ALMS1: variants seen among roughly 807,000 people sequenced by gnomAD.
ALMS1 encodes centrosome-associated protein ALMS1.
A neutral mutation model predicts 352.2 loss-of-function variants in ALMS1; 271 were observed. The observed-to-expected ratio is 0.77, with a 90% confidence interval of 0.70 to 0.85. The LOEUF is 0.85. ALMS1 is among the 40% of genes least tolerant of loss of function. The probability of loss-of-function intolerance (pLI) is 0.00; values close to 1 mark genes in which losing one functional copy is unlikely to be tolerated. For missense variants in ALMS1, 5,445 were observed against 4,870.7 expected, an observed-to-expected ratio of 1.12 and a Z score of -3.51; for synonymous variants, 1,865 against 1,761.2, an observed-to-expected ratio of 1.06 and a Z score of -1.48.
intron 12 of ALMS1, among the ~76,000 whole-genome samples, chr2:73,545,288 C>T (rs529131805): frequency 5.3e-5 from 8 of 150,814 alleles, no homozygotes; most frequent in Middle Eastern, 3.4e-3. Flanking sequence ...TCAAGCAGTT[C>T]TCCTGCCTTA....
chr2:73,543,605 G>C (rs952816602), intron 12 of ALMS1, among the ~76,000 whole-genome samples: 15 of 152,138 alleles, frequency 9.9e-5, no homozygotes, highest in Non-Finnish European at 1.0e-4. Context: ...GAAAAATTTT[G>C]CTATCTACCC....
Position 73,424,616 on chromosome 2 carries a change from A to G in ALMS1, c.951A>G (p.Gln317=). 1 of 1,614,006 alleles carries G rather than the reference A, an allele frequency of 6.2e-7. No homozygotes were observed. Among genetic ancestry groups the G allele is most frequent in the Non-Finnish European group, 8.5e-7 (1 of 1,180,004 alleles). The stretch of plus-strand genomic sequence containing the variant: ...AGTGCCCTTTTTTACCTTCTGAACA[A>G]GGGAATAATGAAGAGACTATTTCGT... ...GSQCPFLPSE[Q]GNNEETISSV... The change falls in exon 5 of 23, where the codon CAA becomes CAG. Residue 317 remains glutamine, a synonymous_variant. Coordinates refer to ENST00000613296, the MANE Select transcript of ALMS1 (RefSeq NM_001378454.1).
chr2:73,531,630 A>T (rs1419004437), intron 11 of ALMS1, among the ~76,000 whole-genome samples: 1 of 152,182 alleles, frequency 6.6e-6, no homozygotes, highest in East Asian at 1.9e-4. Context: ...GGTTATCTTT[A>T]TAGCAGTGCC....
intron 11 of ALMS1, among the ~76,000 whole-genome samples, chr2:73,522,067 A>G (rs1479726303): frequency 2.0e-5 from 3 of 152,138 alleles, no homozygotes; most frequent in African/African-American, 4.8e-5. Flanking sequence ...GGAAGCAGCC[A>G]TTATTTGCTA....
intron 1 of ALMS1, among the ~76,000 whole-genome samples, chr2:73,393,110 A>G (rs1670684092): frequency 6.6e-6 from 1 of 152,098 alleles, no homozygotes; most frequent in Non-Finnish European, 1.5e-5. Flanking sequence ...TTCAGGTCAA[A>G]CTTTTGCCCA....
rs759249886 is a variant in ALMS1 at position 73,450,833 on chromosome 2, G to A, written c.4306G>A (p.Gly1436Ser). The change falls in exon 8 of 23, where the codon GGT becomes AGT. Residue 1436 changes from glycine to serine, a missense_variant. By Grantham distance (56) the Gly-to-Ser change is moderately conservative. Transcript: ENST00000613296. ...TTTCTACTCACACACAGAGAAGCCT[G>A]GTAGTTTCTACCAACAGGTCTTGCC... ...STFYSHTEKP[G>S]SFYQQVLPHS... The A allele has an allele frequency of 1.2e-6, 2 of 1,613,928 alleles. No individual in the cohort carries two copies. Among genetic ancestry groups the A allele is most frequent in the East Asian group, 2.2e-5 (1 of 44,878 alleles).
intron 1 of ALMS1, among the ~76,000 whole-genome samples, chr2:73,393,403 T>C (rs1019006090): frequency 6.6e-6 from 1 of 151,912 alleles, no homozygotes; most frequent in African/African-American, 2.4e-5. Flanking sequence ...TTTTTTTTTT[T>C]AAATTTTATT....
At position 73,490,291 on chromosome 2, in the gene ALMS1, A is replaced by T; in HGVS notation, c.8332A>T (p.Ser2778Cys). The change falls in exon 10 of 23, where the codon AGT (serine) becomes TGT (cysteine). Residue 2778 changes from serine to cysteine, a missense_variant. Ser to Cys is a moderately radical substitution (Grantham distance 112, BLOSUM62 -1). Transcript: ENST00000613296. ...TTCCCCTTCATCATTTAAAATGCAT[A>T]GTAATTCACAAGATAAAGAAGTGAC... The part of the protein sequence containing the change: ...TSSPSSFKMH[S>C]NSQDKEVTIL... 1.2e-6 allele frequency: 2 copies of T among 1,613,176 alleles called. No homozygotes were observed. The highest frequency in any genetic ancestry group is 1.7e-6 in the Non-Finnish European group (2 of 1,179,676).
chr2:73,403,097 C>T (rs1190378858), intron 1 of ALMS1, among the ~76,000 whole-genome samples: 3 of 152,144 alleles, frequency 2.0e-5, no homozygotes, highest in Non-Finnish European at 2.9e-5. Context: ...ATATCCAAAA[C>T]AACATTGCCA....
intron 11 of ALMS1, among the ~76,000 whole-genome samples, chr2:73,533,040 G>A (rs1045235070): frequency 6.6e-6 from 1 of 152,136 alleles, no homozygotes; most frequent in Non-Finnish European, 1.5e-5. Context: ...TCATGGAATG[G>A]AGGCCTCAGG....
At chr2:73,396,866 G>A (rs370479392) in intron 1 of ALMS1, among the ~76,000 whole-genome samples, 14 of 152,054 alleles carry the variant, frequency 9.2e-5, no homozygotes, top group African/African-American at 2.9e-4. Context: ...GGATGGTCTC[G>A]ATCTCCTGAC....
At position 73,426,351 on chromosome 2, in the gene ALMS1, T is replaced by C. The variant is rs543989047; in HGVS notation, c.1238-102T>C. On this transcript the variant is annotated intron_variant, in intron 5 of 22. Transcript: ENST00000613296. Reference sequence around the variant, plus strand: ...TTAATTGCAGTCGCCCAAGAGACATTGCTGAAAGCTGATATAGGCCAAGGT... The same window carrying C: ...TTAATTGCAGTCGCCCAAGAGACATCGCTGAAAGCTGATATAGGCCAAGGT... The C allele has an allele frequency of 5.2e-5, 58 of 1,124,160 alleles. No homozygotes were observed. The African/African-American group carries it at 8.2e-4, about 16-fold the overall frequency. The allele number at this position is 1,124,160 out of a possible 1,614,324, so 69.6% of individuals were successfully genotyped here.
At chr2:73,546,074 G>A (rs1674311334) in intron 12 of ALMS1, among the ~76,000 whole-genome samples, 2 of 152,254 alleles carry the variant, frequency 1.3e-5, no homozygotes, top group East Asian at 3.9e-4. Flanking sequence ...GGTTTCTTGA[G>A]CAGACACGAT....
chr2:73,587,074 G>A (rs181029307), intron 16 of ALMS1, among the ~76,000 whole-genome samples: 1 of 152,104 alleles, frequency 6.6e-6, no homozygotes, highest in Non-Finnish European at 1.5e-5. Context: ...TTGTTTCTCA[G>A]CTTGGTCTTT....
intron 10 of ALMS1, among the ~76,000 whole-genome samples, chr2:73,514,393 C>T (rs189117054): frequency 2.2e-4 from 34 of 151,692 alleles, no homozygotes; most frequent in Non-Finnish European, 2.9e-5. Flanking sequence ...TAAATTAGTA[C>T]TTTTTTCGCT....
intron 12 of ALMS1, among the ~76,000 whole-genome samples, chr2:73,538,764 C>G (rs570693219): frequency 3.9e-5 from 6 of 152,220 alleles, no homozygotes; most frequent in Admixed American, 2.6e-4. Flanking sequence ...GAGGATCCTA[C>G]GCCCACGGAG....
rs144603934 is a variant in ALMS1 at position 73,398,426 on chromosome 2, C to T, written c.325-10196C>T. Among the ~76,000 whole-genome samples the T allele has an allele frequency of 1.3e-3, 199 of 152,198 alleles. No homozygotes were observed. The East Asian group carries it at 0.015, about 11-fold the overall frequency. On this transcript the variant is annotated intron_variant, in intron 1 of 22. Coordinates refer to ENST00000613296, the MANE Select transcript of ALMS1 (RefSeq NM_001378454.1). ...GTTAGGTAGTGTCAGTCCTCCAATTCGGAGTCTTTTGCCCCTCCATATAAA... is the reference window on the plus strand; with the variant it reads ...GTTAGGTAGTGTCAGTCCTCCAATTTGGAGTCTTTTGCCCCTCCATATAAA...
intron 1 of ALMS1, among the ~76,000 whole-genome samples, chr2:73,402,941 T>A (rs890334577): frequency 6.6e-6 from 1 of 152,192 alleles, no homozygotes; most frequent in Non-Finnish European, 1.5e-5. Context: ...ACTGACTCCT[T>A]ATCAGATATA....
intron 9 of ALMS1, among the ~76,000 whole-genome samples, chr2:73,481,367 G>C (rs971726222): frequency 7.2e-5 from 11 of 152,126 alleles, no homozygotes; most frequent in Non-Finnish European, 1.3e-4. Flanking sequence ...TCTCAGGTTT[G>C]TCAAAGATCA....
Sources: allele counts gnomAD v4.1 joint callset (sites outside exome capture counted in the v4.1 genomes callset), GRCh38; gene constraint gnomAD v4.1.1; transcripts MANE v1.5; gene names NCBI Gene and HGNC (gene_info 2026-07-23, HGNC 2026-07-21).